The following CREBBP variants were observed in gnomAD, a reference collection of about 807,000 sequenced individuals.
CREBBP encodes the protein CREB-binding protein.
In CREBBP, 19 loss-of-function variants were observed where a neutral mutation model predicts 265.0. The observed-to-expected ratio is 0.07, with a 90% confidence interval of 0.05 to 0.11. The LOEUF (loss-of-function observed/expected upper bound fraction) is 0.11, where lower values mean the gene tolerates loss of function less well. CREBBP is among the 10% of genes least tolerant of loss of function. CREBBP has a pLI of 1.00. For missense variants in CREBBP, 2,525 were observed against 3,219.0 expected, an observed-to-expected ratio of 0.78 and a Z score of 5.22; for synonymous variants, 1,457 against 1,223.7, an observed-to-expected ratio of 1.19 and a Z score of -3.98.
intron 24 of CREBBP, 136 bp downstream of exon 24, chr16:3,740,262 AG>A (rs754655634): frequency 2.0e-5 from 19 of 961,554 alleles, no homozygotes; most frequent in Middle Eastern, 3.2e-4. Flanking sequence ...ACCGCAGCTG[AG>A]GGGGCTACTG....
intron 2 of CREBBP, among the ~76,000 whole-genome samples, chr16:3,848,576 A>C (rs1366299417): frequency 6.6e-6 from 1 of 152,184 alleles, no homozygotes; most frequent in African/African-American, 2.4e-5. Flanking sequence ...GCACATGTTA[A>C]AGAAATCTCT....
At chr16:3,759,538 G>C (rs2052662325) in intron 16 of CREBBP, among the ~76,000 whole-genome samples, 2 of 147,548 alleles carry the variant, frequency 1.4e-5, no homozygotes, top group Non-Finnish European at 1.5e-5. Flanking sequence ...AGTGAGCCGA[G>C]ATTGCGCCAC....
At chr16:3,783,982 T>G (rs2053331791) in intron 5 of CREBBP, among the ~76,000 whole-genome samples, 1 of 152,230 alleles carries the variant, frequency 6.6e-6, no homozygotes, top group Non-Finnish European at 1.5e-5. Flanking sequence ...CAAATGCTGT[T>G]GTGTGAAAAT....
chr16:3,729,969 G>A (rs2151313099), intron 30 of CREBBP, 95 bp from the exon 31 acceptor site: 3 of 1,547,774 alleles, frequency 1.9e-6, no homozygotes, highest in Non-Finnish European at 2.6e-6. Context: ...GTCTGGGTCT[G>A]TGCCAGGAGA....
chr16:3,823,444 G>A (rs944982961), intron 2 of CREBBP, among the ~76,000 whole-genome samples: 4 of 152,122 alleles, frequency 2.6e-5, no homozygotes, highest in African/African-American at 9.7e-5. Context: ...AGCTTTGCTC[G>A]AATGCCTTAT....
At chr16:3,796,404 G>A (rs976347809) in intron 3 of CREBBP, among the ~76,000 whole-genome samples, 1 of 88,142 alleles carries the variant, frequency 1.1e-5, no homozygotes, top group Non-Finnish European at 2.2e-5. Context: ...TTTTTTTTTT[G>A]AGACGGGAGT....
chr16:3,796,351 G>C (rs2053607955), intron 3 of CREBBP, among the ~76,000 whole-genome samples: 1 of 151,400 alleles, frequency 6.6e-6, no homozygotes, highest in African/African-American at 2.4e-5. Flanking sequence ...ATGTAGCTGG[G>C]ATCACAGATG....
At chr16:3,743,723 A>C (rs974341322) in intron 23 of CREBBP, 1 of 152,216 alleles carries the variant, frequency 6.6e-6, no homozygotes. Flanking sequence ...CCAAGACTTG[A>C]GAATTGACTC....
intron 13 of CREBBP, 143 bp from the exon 14 acceptor site, chr16:3,771,129 T>C: frequency 1.2e-6 from 1 of 863,630 alleles, no homozygotes; most frequent in African/African-American, 1.7e-5. Context: ...AATGCAATGG[T>C]GCGATCTCGG....
At chr16:3,802,893 G>GAT (rs1285180243) in intron 3 of CREBBP, among the ~76,000 whole-genome samples, 4 of 151,970 alleles carry the variant, frequency 2.6e-5, no homozygotes, top group African/African-American at 7.3e-5. Context: ...ATCAGAAAAC[G>GAT]ATACCAAAGC....
rs1443799795 is a variant in CREBBP, at chr16:3,731,496, G to C, written c.4891-23C>G. On this transcript the variant is annotated intron_variant, in intron 29 of 30. Transcript: ENST00000262367. The surrounding 1 kb of genome is among the most constrained non-coding windows in gnomAD (Gnocchi z 7.7). ...GACCTGCAGGAGAGGAGGGGCTTTA[G>C]TCCCACACAAGGGACATGGCACCTC... 6.4e-7 allele frequency: 1 copy of C among 1,565,910 alleles called. No individual in the cohort carries two copies. The highest frequency in any genetic ancestry group is 1.2e-5 in the South Asian group (1 of 86,226).
intron 28 of CREBBP, among the ~76,000 whole-genome samples, chr16:3,735,661 G>A (rs1252733946): frequency 3.3e-5 from 5 of 152,126 alleles, no homozygotes; most frequent in Admixed American, 6.5e-5. Flanking sequence ...AAGGAGAGAG[G>A]GCAGCAGGGC....
In CREBBP at chr16:3,744,976, T is replaced by C. The variant is rs112894053; in HGVS notation, c.3915-15A>G. 4 of 1,588,672 alleles carry C rather than the reference T, an allele frequency of 2.5e-6. No homozygotes were observed. The highest frequency in any genetic ancestry group is 2.7e-5 in the African/African-American group (2 of 74,448). ...CGCACACAAAACTGCAAAATAATAG[T>C]GGTATGATGAGACTGTATATAATGA... On this transcript the variant is annotated splice_polypyrimidine_tract_variant and intron_variant, in intron 22 of 30. Coordinates refer to ENST00000262367, the MANE Select transcript of CREBBP (RefSeq NM_004380.3).
At chr16:3,821,380 T>C (rs1374300943) in intron 2 of CREBBP, among the ~76,000 whole-genome samples, 1 of 152,172 alleles carries the variant, frequency 6.6e-6, no homozygotes, top group Non-Finnish European at 1.5e-5. Context: ...CCAGAGTGGA[T>C]GGCCAGCAGC....
intron 3 of CREBBP, among the ~76,000 whole-genome samples, chr16:3,800,998 T>A (rs2053701252): frequency 6.6e-6 from 1 of 152,244 alleles, no homozygotes; most frequent in South Asian, 2.1e-4. Context: ...TTCCTCACTC[T>A]GTGCCAGGCT....
intron 2 of CREBBP, among the ~76,000 whole-genome samples, chr16:3,824,058 C>T (rs1017556512): frequency 2.0e-5 from 3 of 152,334 alleles, no homozygotes; most frequent in African/African-American, 7.2e-5. Context: ...TGGTGACACA[C>T]ACAGGGCCAC....
intron 1 of CREBBP, among the ~76,000 whole-genome samples, chr16:3,862,369 A>G (rs1280528409): frequency 1.3e-5 from 2 of 152,086 alleles, no homozygotes; most frequent in African/African-American, 2.4e-5. Context: ...GGTAGGTACA[A>G]GTTCCATACG....
intron 13 of CREBBP, among the ~76,000 whole-genome samples, chr16:3,771,898 T>C (rs960722918): frequency 6.6e-6 from 1 of 150,728 alleles, no homozygotes; most frequent in Non-Finnish European, 1.5e-5. Context: ...GCAACCTCCA[T>C]CTCCCGGGTT....
At chr16:3,794,065 C>G (rs879754421) in intron 3 of CREBBP, among the ~76,000 whole-genome samples, 1 of 152,224 alleles carries the variant, frequency 6.6e-6, no homozygotes, top group South Asian at 2.1e-4. Context: ...CGTTGGCTCA[C>G]GCCTGTAATC....
Sources: allele counts gnomAD v4.1 joint callset (sites outside exome capture counted in the v4.1 genomes callset), GRCh38; gene constraint gnomAD v4.1.1; non-coding constraint Gnocchi (gnomAD v3.1); transcripts MANE v1.5; gene names NCBI Gene and HGNC (gene_info 2026-07-23, HGNC 2026-07-21).